The following SI variants were observed in gnomAD, a reference collection of about 807,000 sequenced individuals.
The protein encoded by SI is sucrase-isomaltase, intestinal.
In SI, 235 loss-of-function variants were observed where a neutral mutation model predicts 253.3. The ratio of observed to expected loss-of-function variants is 0.93; its 90% CI spans 0.83 to 1.03. The LOEUF (loss-of-function observed/expected upper bound fraction) is 1.03, where lower values mean the gene tolerates loss of function less well. Among genes scored for constraint, SI ranks in the 50% least tolerant of loss-of-function variants. The pLI, the probability that SI is intolerant of heterozygous loss-of-function variation, is 0.00. For synonymous variants in SI, 819 were observed against 712.0 expected (o/e 1.15, Z -2.39); for missense variants, 2,442 against 2,211.1 (o/e 1.10, Z -2.09).
At chr3:164,988,802 T>G (rs1717562177) in intron 44 of SI, among the ~76,000 whole-genome samples, 1 of 152,200 alleles carries the variant, frequency 6.6e-6, no homozygotes, top group Non-Finnish European at 1.5e-5. Context: ...TATGTCAGTC[T>G]GAGAAGACAG....
intron 45 of SI, 67 bp downstream of exon 45, chr3:164,987,071 G>A: frequency 8.2e-7 from 1 of 1,212,240 alleles, no homozygotes; most frequent in Non-Finnish European, 1.2e-6. Flanking sequence ...AACAATAATA[G>A]ATAACGTAAA....
intron 35 of SI, among the ~76,000 whole-genome samples, chr3:165,008,220 C>T (rs1718607558): frequency 6.6e-6 from 1 of 151,776 alleles, no homozygotes; most frequent in African/African-American, 2.4e-5. Flanking sequence ...TTTGTTTTCT[C>T]TGTATTATGC....
intron 44 of SI, among the ~76,000 whole-genome samples, chr3:164,990,505 T>G (rs1252121398): frequency 6.6e-6 from 1 of 152,158 alleles, no homozygotes; most frequent in African/African-American, 2.4e-5. Flanking sequence ...TCTTGCATTT[T>G]TATATGTCAT....
At position 165,043,148 on chromosome 3, in the gene SI, C is replaced by T. The variant is rs1398853459; in HGVS notation, c.1915G>A (p.Ala639Thr). Residue 639 changes from alanine (A) to threonine (T), a missense_variant, in exon 17 of 48, where the codon GCT (alanine) becomes ACT (threonine). Ala to Thr is a moderately conservative substitution (Grantham distance 58). Transcript: ENST00000264382. The part of the protein sequence containing the change: ...LVGADICGFV[A>T]ETTEELCRRW... ...CTGCAAAGTTCTTCTGTGGTTTCAG[C>T]CACAAATCCACAGATGTCTGCTCCA... 6.2e-7 allele frequency: 1 copy of T among 1,610,942 alleles called. No individual in the cohort carries two copies. Among genetic ancestry groups the T allele is most frequent in the Admixed American group, 1.7e-5 (1 of 59,838 alleles).
chr3:165,053,816 T>C (rs1380237076), intron 13 of SI, among the ~76,000 whole-genome samples: 2 of 151,926 alleles, frequency 1.3e-5, no homozygotes, highest in East Asian at 3.9e-4. Flanking sequence ...AAGAAAAAAA[T>C]AAAAGACTAA....
intron 44 of SI, among the ~76,000 whole-genome samples, chr3:164,989,404 GAAAGA>G (rs1717613352): frequency 1.4e-5 from 2 of 141,530 alleles, no homozygotes; most frequent in South Asian, 2.3e-4. Context: ...AAGAAAGAAA[GAAAGA>G]AAGAAAGAAA....
At chr3:165,028,313 A>C (rs1712033372) in intron 25 of SI, among the ~76,000 whole-genome samples, 1 of 151,626 alleles carries the variant, frequency 6.6e-6, no homozygotes, top group South Asian at 2.1e-4. Context: ...ACGGAAACAC[A>C]TCCCATGCTC....
intron 41 of SI, among the ~76,000 whole-genome samples, chr3:164,993,762 T>A (rs1478381719): frequency 6.6e-6 from 1 of 151,714 alleles, no homozygotes; most frequent in Non-Finnish European, 1.5e-5. Context: ...GTTTGAGCTT[T>A]AAGAGGTGAA....
chr3:165,000,131 T>G (rs1718192783), intron 37 of SI, among the ~76,000 whole-genome samples: 1 of 151,492 alleles, frequency 6.6e-6, no homozygotes, highest in South Asian at 2.1e-4. Flanking sequence ...AAAATTAGTT[T>G]TGTTTAATAT....
intron 3 of SI, among the ~76,000 whole-genome samples, chr3:165,071,081 C>T (rs1012777858): frequency 2.6e-5 from 4 of 152,070 alleles, no homozygotes; most frequent in African/African-American, 9.7e-5. Flanking sequence ...ACGCAAGGCC[C>T]AAATTAATTT....
intron 5 of SI, among the ~76,000 whole-genome samples, chr3:165,067,725 A>T (rs757712798): frequency 2.6e-5 from 4 of 152,070 alleles, no homozygotes; most frequent in Non-Finnish European, 5.9e-5. Context: ...TATGTATAAA[A>T]TTAAGTACAG....
At chr3:164,994,804 C>G (rs756344142) in intron 40 of SI, among the ~76,000 whole-genome samples, 1 of 151,394 alleles carries the variant, frequency 6.6e-6, no homozygotes, top group Non-Finnish European at 1.5e-5. Context: ...ATGATGGTGA[C>G]CATGCACATT....
chr3:165,065,781 C>A (rs1255064431), intron 6 of SI, among the ~76,000 whole-genome samples: 1 of 151,296 alleles, frequency 6.6e-6, no homozygotes, highest in Non-Finnish European at 1.5e-5. Flanking sequence ...GCAGGAGAGC[C>A]AAGTTTCAAA....
In SI at chr3:164,999,765, A is replaced by G. The variant is rs144784656; in HGVS notation, c.4407-1092T>C. Among the ~76,000 whole-genome samples the G allele has an allele frequency of 2.4e-3, 371 of 151,830 alleles. 2 individuals carry two copies. The highest frequency in any genetic ancestry group is 8.5e-3 in the African/African-American group (354 of 41,542). On this transcript the variant is annotated intron_variant, in intron 37 of 47. Coordinates refer to ENST00000264382, the MANE Select transcript of SI (RefSeq NM_001041.4). ...TAATAGTAGCTCAAGAAAGTTCGGA[A>G]TTAACAAATGTCTCAAGTCAAAAGT...
rs781455027 is a variant in SI, at chr3:165,062,429, A to G, written c.962T>C (p.Leu321Pro). The G allele has an allele frequency of 1.2e-6, 2 of 1,606,824 alleles. No individual in the cohort carries two copies. Among genetic ancestry groups the G allele is most frequent in the South Asian group, 2.2e-5 (2 of 90,930 alleles). The change falls in exon 9 of 48, where the codon CTG (leucine) becomes CCG (proline). Residue 321 changes from leucine to proline, a missense_variant. Coordinates refer to ENST00000264382, the MANE Select transcript of SI (RefSeq NM_001041.4). ...ATCTCCTAGAAGGATGTAAAAATCCAGAATGCCACCGGTAACTCTATATGT... is the reference window on the plus strand; with the variant it reads ...ATCTCCTAGAAGGATGTAAAAATCCGGAATGCCACCGGTAACTCTATATGT... ...IVTYRVTGGI[L>P]DFYILLGDTP...
At chr3:165,061,099 A>C (rs1161032089) in intron 9 of SI, among the ~76,000 whole-genome samples, 1 of 151,754 alleles carries the variant, frequency 6.6e-6, no homozygotes, top group East Asian at 1.9e-4. Flanking sequence ...ATAGAATTAA[A>C]GATTTAGACA....
At position 165,074,585 on chromosome 3, in the gene SI, T is replaced by C; in HGVS notation, c.201A>G (p.Leu67=). Reference sequence around the variant, plus strand: ...TTATTCTCACATTGACAGGATCATTTAACACATTTGGACATTTTCCTGAAT... The same window carrying C: ...TTATTCTCACATTGACAGGATCATTCAACACATTTGGACATTTTCCTGAAT... ...PSDSGKCPNV[L]NDPVNVRINC... is the part of the protein sequence containing the mutation. Residue 67 remains leucine (L), a synonymous_variant, in exon 3 of 48, where the codon TTA becomes TTG. Coordinates refer to ENST00000264382, the MANE Select transcript of SI (RefSeq NM_001041.4). 6.2e-7 allele frequency: 1 copy of C among 1,610,414 alleles called. No individual in the cohort carries two copies. Among genetic ancestry groups the C allele is most frequent in the Non-Finnish European group, 8.5e-7 (1 of 1,177,586 alleles).
intron 44 of SI, among the ~76,000 whole-genome samples, chr3:164,990,416 G>A (rs138634614): frequency 6.6e-6 from 1 of 151,948 alleles, no homozygotes. Flanking sequence ...GATCATAAAG[G>A]TTTCATTTAT....
rs1280872811 is a variant in SI at position 165,030,718 on chromosome 3, C to T, written c.2886G>A (p.Trp962Ter). 1 of 1,608,112 alleles carries T rather than the reference C, an allele frequency of 6.2e-7. No individual in the cohort carries two copies. Among genetic ancestry groups the T allele is most frequent in the Non-Finnish European group, 8.5e-7 (1 of 1,176,264 alleles). The change falls in exon 25 of 48, where the codon TGG becomes TGA. Residue 962 changes from tryptophan (W) to a stop codon, truncating the protein, a stop_gained. Transcript: ENST00000264382. LOFTEE classifies it high-confidence loss of function. ...TAGTTAAAATTATTATTACCGTTCT[C>T]CATACACAGCCACGTTGTGTGCACT... ...EQKCTQRGCV[W>*]RTGSSLSKAP... is the part of the protein sequence containing the mutation.
Sources: gnomAD v4.1 joint callset for allele counts (sites outside exome capture counted in the v4.1 genomes callset) on GRCh38, gnomAD v4.1.1 for gene constraint, MANE v1.5 for transcripts, NCBI Gene and HGNC (gene_info 2026-07-23, HGNC 2026-07-21) for gene names.